The following ABCD2 variants were observed in gnomAD, a reference collection of about 807,000 sequenced individuals.
ABCD2 encodes the protein ATP binding cassette subfamily D member 2.
In ABCD2, 36 loss-of-function variants were observed where a neutral mutation model predicts 70.9. The observed-to-expected ratio is 0.51, with a 90% confidence interval of 0.39 to 0.67. ABCD2 has a LOEUF of 0.67. Ranked by LOEUF, ABCD2 falls within the 30% of genes least tolerant of loss-of-function variation. The probability of loss-of-function intolerance (pLI) is 0.00; values close to 1 mark genes in which losing one functional copy is unlikely to be tolerated. For missense variants in ABCD2, 729 were observed against 890.2 expected (o/e 0.82, Z 2.30); for synonymous variants, 304 against 306.9 (o/e 0.99, Z 0.10).
At chr12:39,614,571 A>G (rs78416518) in intron 2 of ABCD2, among the ~76,000 whole-genome samples, 7,937 of 151,506 alleles carry the variant, frequency 0.052, 755 homozygotes, top group African/African-American at 0.18. Flanking sequence ...TTGCCTTAAA[A>G]TATATAAAGC....
chr12:39,583,717 T>A (rs1002089762), intron 7 of ABCD2, among the ~76,000 whole-genome samples: 1 of 152,198 alleles, frequency 6.6e-6, no homozygotes, highest in Non-Finnish European at 1.5e-5. Flanking sequence ...GTTTTCTTCT[T>A]TGTGCTTGTA....
the ABCD2 span, among the ~76,000 whole-genome samples, chr12:39,534,748 G>GA: frequency 1.8e-3 from 167 of 91,260 alleles, no homozygotes; most frequent in African/African-American, 5.3e-3. Flanking sequence ...AGGAAGGAAG[G>GA]AAAGAAAGAA....
the ABCD2 span, among the ~76,000 whole-genome samples, chr12:39,533,581 G>A: frequency 6.6e-6 from 1 of 152,160 alleles, no homozygotes; most frequent in Admixed American, 6.5e-5. Context: ...TCATTCAGAT[G>A]TTCATGTAGA....
At chr12:39,602,373 C>T (rs760938407) in intron 5 of ABCD2, among the ~76,000 whole-genome samples, 2 of 151,704 alleles carry the variant, frequency 1.3e-5, no homozygotes, top group Non-Finnish European at 2.9e-5. Flanking sequence ...AGGCTGGTCT[C>T]GAACTCCTGA....
At chr12:39,569,250 C>G (rs1941409128) in intron 9 of ABCD2, among the ~76,000 whole-genome samples, 1 of 152,224 alleles carries the variant, frequency 6.6e-6, no homozygotes, top group South Asian at 2.1e-4. Flanking sequence ...CCAAGCAGGC[C>G]TCCTTGAGCT....
chr12:39,567,220 C>T (rs563102876), intron 9 of ABCD2, among the ~76,000 whole-genome samples: 94 of 152,104 alleles, frequency 6.2e-4, no homozygotes, highest in African/African-American at 2.0e-3. Flanking sequence ...TGTCTAATGT[C>T]GACAGTGGGG....
intron 6 of ABCD2, among the ~76,000 whole-genome samples, chr12:39,590,606 A>G (rs922455142): frequency 5.9e-5 from 9 of 152,048 alleles, no homozygotes; most frequent in African/African-American, 2.2e-4. Flanking sequence ...TATAGTTAAA[A>G]TTCAATTATA....
intron 6 of ABCD2, among the ~76,000 whole-genome samples, chr12:39,596,852 A>G (rs980407763): frequency 2.0e-5 from 3 of 152,180 alleles, no homozygotes; most frequent in Non-Finnish European, 4.4e-5. Flanking sequence ...AAATCCACAG[A>G]TGCCTTTATA....
intron 9 of ABCD2, 81 bp from the exon 10 acceptor site, chr12:39,554,212 T>C: frequency 1.5e-6 from 2 of 1,362,392 alleles, no homozygotes; most frequent in Non-Finnish European, 9.9e-7. Flanking sequence ...TTCAAATTGA[T>C]ACCCAAAGGC....
chr12:39,562,648 G>A (rs1941277683), intron 9 of ABCD2, among the ~76,000 whole-genome samples: 1 of 152,000 alleles, frequency 6.6e-6, no homozygotes, highest in Non-Finnish European at 1.5e-5. Flanking sequence ...AACAGAAAAT[G>A]TCAACAGACA....
At chr12:39,561,921 G>T (rs1347739619) in intron 9 of ABCD2, among the ~76,000 whole-genome samples, 5 of 152,106 alleles carry the variant, frequency 3.3e-5, no homozygotes, top group Non-Finnish European at 7.4e-5. Flanking sequence ...CATTCTCCAG[G>T]ATAGATCACA....
chr12:39,537,883 T>A, the ABCD2 span, among the ~76,000 whole-genome samples: 3 of 152,310 alleles, frequency 2.0e-5, no homozygotes, highest in African/African-American at 4.8e-5. Flanking sequence ...AAAAAATTCC[T>A]GGTTGCTATC....
At chr12:39,617,445 A>G (rs954499624) in intron 1 of ABCD2, among the ~76,000 whole-genome samples, 4 of 152,120 alleles carry the variant, frequency 2.6e-5, no homozygotes, top group African/African-American at 9.7e-5. Flanking sequence ...ATTATATGAG[A>G]CATGAATAAA....
At chr12:39,581,357 C>T (rs1423179363) in intron 7 of ABCD2, among the ~76,000 whole-genome samples, 1 of 152,098 alleles carries the variant, frequency 6.6e-6, no homozygotes, top group Non-Finnish European at 1.5e-5. Flanking sequence ...TTCCCGATTT[C>T]CCAGTGACAC....
chr12:39,560,509 A>T (rs982164274), intron 9 of ABCD2, among the ~76,000 whole-genome samples: 1 of 152,178 alleles, frequency 6.6e-6, no homozygotes, highest in East Asian at 1.9e-4. Context: ...AATTATAACC[A>T]TTAAAATAAT....
chr12:39,604,711 G>A, intron 4 of ABCD2, 51 bp downstream of exon 4: 1 of 1,420,464 alleles, frequency 7.0e-7, no homozygotes, highest in Non-Finnish European at 9.4e-7. Context: ...CTTTGGTTCT[G>A]TTGATAAATA....
At chr12:39,580,998 T>C (rs1438753599) in intron 7 of ABCD2, among the ~76,000 whole-genome samples, 1 of 152,240 alleles carries the variant, frequency 6.6e-6, no homozygotes, top group Non-Finnish European at 1.5e-5. Context: ...TCCAAAAGTT[T>C]AGAGGCTTTG....
At chr12:39,571,497 A>G (rs959465140) in intron 9 of ABCD2, among the ~76,000 whole-genome samples, 11 of 152,188 alleles carry the variant, frequency 7.2e-5, no homozygotes, top group Non-Finnish European at 1.2e-4. Context: ...GATCTCACTC[A>G]TACATGGTCA....
downstream of ABCD2, among the ~76,000 whole-genome samples, chr12:39,547,179 G>A (rs1941033205): frequency 6.6e-6 from 1 of 152,018 alleles, no homozygotes; most frequent in Non-Finnish European, 1.5e-5. Flanking sequence ...TATACAGAAA[G>A]TAGAAAATAA....
Sources: allele counts gnomAD v4.1 joint callset (sites outside exome capture counted in the v4.1 genomes callset), GRCh38; gene constraint gnomAD v4.1.1; transcripts MANE v1.5; gene names NCBI Gene and HGNC (gene_info 2026-07-23, HGNC 2026-07-21).